NPEPL1: variants seen among roughly 807,000 people sequenced by gnomAD.
NPEPL1 encodes the protein aminopeptidase like 1.
In NPEPL1, 45 loss-of-function variants were observed where a neutral mutation model predicts 52.4. The ratio of observed to expected loss-of-function variants is 0.86; its 90% confidence interval spans 0.68 to 1.10. The LOEUF (loss-of-function observed/expected upper bound fraction) is 1.10, where lower values mean the gene tolerates loss of function less well. NPEPL1 is among the 50% of genes least tolerant of loss of function. The pLI is 0.00. For missense variants in NPEPL1, 696 were observed against 710.9 expected, an observed-to-expected ratio of 0.98 and a Z score of 0.24; for synonymous variants, 360 against 314.7, an observed-to-expected ratio of 1.14 and a Z score of -1.52.
At position 58,698,903 on chromosome 20, in the gene NPEPL1, C is replaced by T. The variant is rs368438375; in HGVS notation, c.597+130C>T. On this transcript the variant is annotated intron_variant, in intron 4 of 11. Transcript: ENST00000356091. ...CAGGGAACCTCAGGGCTGCCCTCGG[C>T]GGAGCGCTGCTGTCTGCCGGGCTCC... 2.4e-3 allele frequency: 1,824 copies of T among 761,056 alleles called. 35 individuals are homozygous for T. Among genetic ancestry groups the T allele is most frequent in the South Asian group, 0.022 (1,246 of 56,864 alleles). The allele number at this position is 761,056 out of a possible 1,614,324, so 47.1% of individuals were successfully genotyped here. A position where few individuals can be genotyped will look rare whatever the true frequency, so the allele number is the denominator to read the frequency against.
At chr20:58,693,249 C>T (rs1419576190) in intron 1 of NPEPL1, 199 bp downstream of exon 1, 2 of 235,176 alleles carry the variant, frequency 8.5e-6, no homozygotes, top group Non-Finnish European at 1.4e-5. Context: ...GTCGCCGGTG[C>T]GGCGCGGTGG....
intron 6 of NPEPL1, among the ~76,000 whole-genome samples, chr20:58,705,220 C>A (rs529768501): frequency 6.6e-6 from 1 of 152,224 alleles, no homozygotes; most frequent in South Asian, 2.1e-4. Flanking sequence ...CTGCCAGATA[C>A]CTAAATCCAA....
chr20:58,714,973 G>C (rs1485775055), intron 11 of NPEPL1, 195 bp from the exon 12 acceptor site: 7 of 669,654 alleles, frequency 1.0e-5, no homozygotes, highest in Non-Finnish European at 1.7e-5. Context: ...CCCTGCCTAC[G>C]CCTGGCCTGC....
Position 58,713,610 on chromosome 20 carries a change from A to T in NPEPL1, c.1125+67A>T. The T allele has an allele frequency of 6.7e-7, 1 of 1,487,752 alleles. No homozygotes were observed. The allele number at this position is 1,487,752 out of a possible 1,614,324, so 92.2% of individuals were successfully genotyped here. On this transcript the variant is annotated intron_variant, in intron 9 of 11. Transcript: ENST00000356091. This position sits in a 1 kb window ranked among gnomAD's most constrained non-coding sequence, Gnocchi z 4.6. ...GAACCCCACCCCACTCTTGACCTCA[A>T]GGTGGGGAAGGCAGCGCGTGGGGGC...
chr20:58,712,251 G>A (rs1259596789), intron 7 of NPEPL1, among the ~76,000 whole-genome samples: 2 of 152,176 alleles, frequency 1.3e-5, no homozygotes, highest in East Asian at 3.9e-4. Flanking sequence ...ATCCACTGCG[G>A]CGGGTGGCCT....
chr20:58,706,850 T>C (rs1357214446), intron 6 of NPEPL1, among the ~76,000 whole-genome samples: 1 of 152,178 alleles, frequency 6.6e-6, no homozygotes, highest in Non-Finnish European at 1.5e-5. Flanking sequence ...TCCGTGCAGT[T>C]ACTGTTTGAT....
At chr20:58,703,417 C>CAGAT (rs1601115708) in intron 6 of NPEPL1, 6 of 968,968 alleles carry the variant, frequency 6.2e-6, no homozygotes, top group African/African-American at 5.3e-5. Context: ...AAATTCGCCA[C>CAGAT]AGATAGTGCA....
chr20:58,712,481 T>C lies in NPEPL1; in HGVS notation c.903T>C (p.Gly301=), dbSNP rs1476957552. The C allele has an allele frequency of 1.2e-6, 2 of 1,610,514 alleles. No homozygotes were observed. The highest frequency in any genetic ancestry group is 8.5e-7 in the Non-Finnish European group (1 of 1,177,630). The change falls in exon 8 of 12, where the codon GGT becomes GGC. Residue 301 remains glycine, a splice_region_variant and synonymous_variant. Transcript: ENST00000356091. ...CCTCTGCCCACTTCTCCCTCCAGGG[T>C]TTCAAAGACAACCTCCACGCTGTGT... The part of the protein sequence containing the change: ...LGAFRAAIKQ[G]FKDNLHAVFC...
At chr20:58,691,693 C>CTTTTTTTTTTTTTTTTTTTTTCTTTTTT (rs2084349430), upstream of NPEPL1, 1 of 501,736 alleles carries the variant, frequency 2.0e-6, no homozygotes, top group Non-Finnish European at 3.3e-6. Context: ...TTTTTCTTTT[C>CTTTTTTTTTTTTTTTTTTTTTCTTTTTT]TTTTTTTTTT....
At chr20:58,714,727 C>A (rs1000568541) in intron 11 of NPEPL1, 57 bp downstream of exon 11, 1 of 1,351,316 alleles carries the variant, frequency 7.4e-7, no homozygotes, top group South Asian at 1.3e-5. Flanking sequence ...GTCCAAACAG[C>A]GCCCCTCTGG....
chr20:58,715,076 G>A (rs1045472343), intron 11 of NPEPL1, 92 bp from the exon 12 acceptor site: 14 of 1,395,314 alleles, frequency 1.0e-5, no homozygotes, highest in African/African-American at 7.3e-5. Context: ...TGTGGGGCAC[G>A]TGGAGGGGAC....
At chr20:58,712,696 G>A (rs760745229) in intron 8 of NPEPL1, 117 bp downstream of exon 8, 29 of 779,696 alleles carry the variant, frequency 3.7e-5, no homozygotes, top group Non-Finnish European at 5.8e-5. Flanking sequence ...GGGGTCCCCT[G>A]GGCAGCAGGC....
upstream of NPEPL1, chr20:58,691,007 A>G (rs1163821445): frequency 1.5e-6 from 1 of 683,504 alleles, no homozygotes; most frequent in Non-Finnish European, 2.7e-6. Flanking sequence ...CCTGCTGGAC[A>G]TATTCTGCGT....
upstream of NPEPL1, among the ~76,000 whole-genome samples, chr20:58,690,571 C>T (rs773355910): frequency 3.3e-5 from 5 of 152,184 alleles, no homozygotes; most frequent in Non-Finnish European, 7.3e-5. Flanking sequence ...TGGAATAATT[C>T]CTTAGCGTTC....
chr20:58,693,637 G>C, intron 1 of NPEPL1, 100 bp from the exon 2 acceptor site: 1 of 1,072,840 alleles, frequency 9.3e-7, no homozygotes, highest in Non-Finnish European at 1.4e-6. Flanking sequence ...TGCCCTTCCA[G>C]GACTGCAGGA....
chr20:58,691,095 T>A (rs1482657176), upstream of NPEPL1: 1 of 703,154 alleles, frequency 1.4e-6, no homozygotes, highest in Non-Finnish European at 2.6e-6. Context: ...TCCTATTACA[T>A]CTGTCAGGGC....
chr20:58,701,699 C>G (rs1472691516), intron 6 of NPEPL1, among the ~76,000 whole-genome samples: 1 of 151,486 alleles, frequency 6.6e-6, no homozygotes, highest in Non-Finnish European at 1.5e-5. Flanking sequence ...ACGCCTGTGT[C>G]TCTGAGTCTG....
At chr20:58,711,122 T>TCCTCCCCCTCTACTCCTCCTCCCCCTC (rs1555851564) in intron 7 of NPEPL1, 1 of 46,132 alleles carries the variant, frequency 2.2e-5, no homozygotes, top group African/African-American at 1.1e-4. Flanking sequence ...CTCCTCCCCC[T>TCCTCCCCCTCTACTCCTCCTCCCCCTC]CTCCTCCTCC....
intron 6 of NPEPL1, among the ~76,000 whole-genome samples, chr20:58,706,803 G>A (rs545680038): frequency 1.5e-4 from 23 of 152,332 alleles, no homozygotes; most frequent in African/African-American, 5.5e-4. Flanking sequence ...CGGCCACAGC[G>A]AATTCTGCAG....
Sources: allele counts gnomAD v4.1 joint callset (sites outside exome capture counted in the v4.1 genomes callset), GRCh38; gene constraint gnomAD v4.1.1; non-coding constraint Gnocchi (gnomAD v3.1); transcripts MANE v1.5; gene names NCBI Gene and HGNC (gene_info 2026-07-23, HGNC 2026-07-21).